The following CTNNA2 variants were observed in gnomAD, a reference collection of about 807,000 sequenced individuals.
The protein encoded by CTNNA2 is catenin alpha 2, also known as catenin alpha-2.
A neutral mutation model predicts 101.0 loss-of-function variants in CTNNA2; 42 were observed. That is an observed-to-expected ratio of 0.42 (90% CI 0.32 to 0.54). The LOEUF (loss-of-function observed/expected upper bound fraction) is 0.54. Among genes scored for constraint, CTNNA2 ranks in the 20% least tolerant of loss-of-function variants. The pLI, the probability that CTNNA2 is intolerant of heterozygous loss-of-function variation, is 0.14. For missense variants in CTNNA2, 871 were observed against 1,223.1 expected, an observed-to-expected ratio of 0.71 and a Z score of 4.29; for synonymous variants, 450 against 456.4, an observed-to-expected ratio of 0.99 and a Z score of 0.18.
intron 4 of CTNNA2, among the ~76,000 whole-genome samples, chr2:79,477,990 A>G (rs10496228): frequency 0.58 from 87,810 of 152,092 alleles, 26,242 homozygotes; most frequent in Non-Finnish European, 0.66. Flanking sequence ...GACACAAATC[A>G]TAAAGTCAAG....
At chr2:79,489,342 A>G (rs1333906988) in intron 4 of CTNNA2, among the ~76,000 whole-genome samples, 1 of 152,156 alleles carries the variant, frequency 6.6e-6, no homozygotes, top group Non-Finnish European at 1.5e-5. Flanking sequence ...TGGTCTTAAA[A>G]TGGGATTATA....
chr2:80,558,464 A>ATGTGTGTG (rs869129917), intron 12 of CTNNA2, among the ~76,000 whole-genome samples: 237 of 146,196 alleles, frequency 1.6e-3, no homozygotes, highest in South Asian at 3.0e-3. Flanking sequence ...GTGTGTATAT[A>ATGTGTGTG]TGTGTGTGTG....
At chr2:80,563,604 A>T (rs936458734) in intron 12 of CTNNA2, among the ~76,000 whole-genome samples, 6 of 152,074 alleles carry the variant, frequency 3.9e-5, no homozygotes, top group Non-Finnish European at 8.8e-5. Flanking sequence ...TCCAACTCCT[A>T]GCCTCATGTG....
intron 7 of CTNNA2, among the ~76,000 whole-genome samples, chr2:79,993,323 T>A (rs1261152616): frequency 6.6e-6 from 1 of 152,184 alleles, no homozygotes; most frequent in Non-Finnish European, 1.5e-5. Flanking sequence ...ACTTCACTGC[T>A]AATTGGCCTG....
chr2:80,520,117 AT>A (rs1689417015), intron 9 of CTNNA2, among the ~76,000 whole-genome samples: 1 of 152,064 alleles, frequency 6.6e-6, no homozygotes, highest in South Asian at 2.1e-4. Context: ...TAAAATAGAA[AT>A]TTCAGCTGAG....
intron 3 of CTNNA2, among the ~76,000 whole-genome samples, chr2:79,840,544 G>A (rs1356369550): frequency 2.6e-5 from 4 of 152,086 alleles, no homozygotes; most frequent in Admixed American, 6.6e-5. Flanking sequence ...CTTTTTAAAT[G>A]CTATTCAATC....
At chr2:79,993,038 A>G (rs1055165995) in intron 7 of CTNNA2, among the ~76,000 whole-genome samples, 1 of 152,126 alleles carries the variant, frequency 6.6e-6, no homozygotes, top group Non-Finnish European at 1.5e-5. Flanking sequence ...CCATCTACCA[A>G]GAACCATCAA....
At chr2:79,517,853 T>C (rs535565648) in intron 1 of CTNNA2, among the ~76,000 whole-genome samples, 4 of 152,282 alleles carry the variant, frequency 2.6e-5, no homozygotes, top group African/African-American at 9.6e-5. Context: ...TAATAGGCCT[T>C]ATCTGCGTAC....
chr2:80,181,842 T>C (rs577456869), intron 7 of CTNNA2, among the ~76,000 whole-genome samples: 1 of 152,312 alleles, frequency 6.6e-6, no homozygotes, highest in East Asian at 1.9e-4. Flanking sequence ...CCAAGGACTA[T>C]CAGTGTTCTC....
In CTNNA2 at chr2:79,187,223, C is replaced by G. The variant is rs182309364; in HGVS notation, c.-524+1792C>G. ...ACTGTATTTTCATATGCTTTTTATT[C>G]TAAGACACTTCTTTTTCTTTTCTTT... On this transcript the variant is annotated intron_variant, in intron 1 of 21. Transcript: ENST00000466387. 3.6e-3 allele frequency among the ~76,000 whole-genome samples: 530 copies of G among 147,514 alleles called. 13 individuals carry two copies. Among genetic ancestry groups the G allele is most frequent in the Admixed American group, 0.028 (418 of 14,780 alleles).
At chr2:79,762,305 G>C (rs1309594335) in intron 3 of CTNNA2, among the ~76,000 whole-genome samples, 1 of 152,146 alleles carries the variant, frequency 6.6e-6, no homozygotes, top group South Asian at 2.1e-4. Flanking sequence ...CAGGCCAAGA[G>C]TCGGGAAAGA....
At chr2:80,275,090 C>A (rs918353850) in intron 7 of CTNNA2, among the ~76,000 whole-genome samples, 3 of 152,258 alleles carry the variant, frequency 2.0e-5, no homozygotes, top group East Asian at 3.9e-4. Flanking sequence ...ACATATAGTT[C>A]TCTGGAGATA....
chr2:79,431,316 G>C (rs1346455206), intron 4 of CTNNA2, among the ~76,000 whole-genome samples: 1 of 152,088 alleles, frequency 6.6e-6, no homozygotes, highest in Non-Finnish European at 1.5e-5. Context: ...GCCTAATGCA[G>C]GTAACACTGA....
At chr2:80,072,220 C>T (rs1698395031) in intron 7 of CTNNA2, among the ~76,000 whole-genome samples, 2 of 152,170 alleles carry the variant, frequency 1.3e-5, no homozygotes, top group African/African-American at 4.8e-5. Flanking sequence ...CCAATTTGGG[C>T]TACTCAGCAT....
At chr2:80,628,253 G>GAA (rs552127398) in intron 18 of CTNNA2, among the ~76,000 whole-genome samples, 2 of 146,892 alleles carry the variant, frequency 1.4e-5, no homozygotes, top group East Asian at 2.0e-4. Context: ...CACAGAATTG[G>GAA]AAAAAAAAAC....
At chr2:80,093,437 C>T (rs1699921275) in intron 7 of CTNNA2, among the ~76,000 whole-genome samples, 1 of 152,136 alleles carries the variant, frequency 6.6e-6, no homozygotes, top group African/African-American at 2.4e-5. Context: ...CAAGTCTTTG[C>T]TATTGTGAAT....
intron 7 of CTNNA2, among the ~76,000 whole-genome samples, chr2:80,370,375 A>C (rs1464454957): frequency 6.6e-6 from 1 of 152,016 alleles, no homozygotes; most frequent in Non-Finnish European, 1.5e-5. Flanking sequence ...GAAAGGGGGG[A>C]ATTCACCTTT....
chr2:80,257,411 G>A (rs1672257207), intron 7 of CTNNA2, among the ~76,000 whole-genome samples: 1 of 152,070 alleles, frequency 6.6e-6, no homozygotes, highest in African/African-American at 2.4e-5. Context: ...CATTACCACA[G>A]GGAACAAATT....
At chr2:80,553,684 G>A (rs1692780748) in intron 11 of CTNNA2, among the ~76,000 whole-genome samples, 1 of 152,172 alleles carries the variant, frequency 6.6e-6, no homozygotes, top group South Asian at 2.1e-4. Flanking sequence ...GCAGCCGGAT[G>A]TGTGATTTTG....
Sources: gnomAD v4.1 joint callset for allele counts (sites outside exome capture counted in the v4.1 genomes callset) on GRCh38, gnomAD v4.1.1 for gene constraint, MANE v1.5 for transcripts, NCBI Gene and HGNC (gene_info 2026-07-23, HGNC 2026-07-21) for gene names.